The following AKIRIN2 variants were observed in gnomAD, a reference collection of about 807,000 sequenced individuals.
AKIRIN2 encodes akirin 2.
In AKIRIN2, 6 loss-of-function variants were observed where a neutral mutation model predicts 29.3. The observed-to-expected ratio is 0.20, with a 90% confidence interval of 0.11 to 0.40. The LOEUF (loss-of-function observed/expected upper bound fraction) is 0.40, where lower values mean the gene tolerates loss of function less well. AKIRIN2 is among the 10% of genes least tolerant of loss of function. AKIRIN2 has a pLI of 1.00. For missense variants in AKIRIN2, 210 were observed against 276.1 expected (o/e 0.76, Z 1.70); for synonymous variants, 128 against 117.5 (o/e 1.09, Z -0.58).
chr6:87,681,903 G>A (rs1033286102), intron 1 of AKIRIN2, 140 bp from the exon 2 acceptor site: 1 of 735,188 alleles, frequency 1.4e-6, no homozygotes, highest in Non-Finnish European at 2.1e-6. Flanking sequence ...ATTTTGGTAG[G>A]AACTCATTTC....
At position 87,699,304 on chromosome 6, in the gene AKIRIN2, A is replaced by G. The variant is rs1470764175; in HGVS notation, c.235+2146T>C. On this transcript the variant is annotated intron_variant, in intron 1 of 4. Transcript: ENST00000257787. ...AAAAAACATACAGGACCATACCCCA[A>G]ATTGGCCATATAAACACAAAGTCAA... Among the ~76,000 whole-genome samples, 6 of 152,196 alleles carry G rather than the reference A, an allele frequency of 3.9e-5. No homozygotes were observed. The East Asian group carries it at 1.2e-3, about 29-fold the overall frequency.
intron 1 of AKIRIN2, among the ~76,000 whole-genome samples, chr6:87,690,056 C>CA (rs1160157011): frequency 6.6e-6 from 1 of 151,808 alleles, no homozygotes; most frequent in Non-Finnish European, 1.5e-5. Context: ...ACTAAAACTA[C>CA]AAAAAAATTA....
At chr6:87,684,473 A>T (rs1356774250) in intron 1 of AKIRIN2, among the ~76,000 whole-genome samples, 6 of 152,198 alleles carry the variant, frequency 3.9e-5, no homozygotes, top group Admixed American at 3.9e-4. Context: ...CGTAACTATG[A>T]TAAATAACTT....
intron 1 of AKIRIN2, among the ~76,000 whole-genome samples, chr6:87,699,561 T>G (rs565133333): frequency 1.3e-5 from 2 of 151,492 alleles, no homozygotes; most frequent in Non-Finnish European, 2.9e-5. Flanking sequence ...TTGAAGAAAA[T>G]AGCAGTATTT....
chr6:87,684,721 GGTGA>G (rs1472625191), intron 1 of AKIRIN2, among the ~76,000 whole-genome samples: 16 of 152,030 alleles, frequency 1.1e-4, no homozygotes, highest in Non-Finnish European at 8.8e-5. Context: ...CCTTTTTATT[GGTGA>G]GTATTCCATC....
chr6:87,679,564 A>C (rs1422653673), intron 2 of AKIRIN2, among the ~76,000 whole-genome samples: 1 of 152,192 alleles, frequency 6.6e-6, no homozygotes, highest in African/African-American at 2.4e-5. Flanking sequence ...AAATGATTCT[A>C]AAGGTTTTTG....
rs974565574 is a variant in AKIRIN2, at chr6:87,675,793, T to C, written c.601+67A>G. On this transcript the variant is annotated intron_variant, in intron 4 of 4. Coordinates refer to ENST00000257787, the MANE Select transcript of AKIRIN2 (RefSeq NM_018064.4). ...ATTCTCTTTTTGAGTATGAAAATAA[T>C]TATAATGTCTTCTCCTTAAAAGACA... 1.5e-5 allele frequency: 23 copies of C among 1,506,920 alleles called. No individual in the cohort carries two copies. The African/African-American group carries it at 2.2e-4, about 15-fold the overall frequency. The allele number at this position is 1,506,920 out of a possible 1,614,324, so 93.3% of individuals were successfully genotyped here. A position where few individuals can be genotyped will look rare whatever the true frequency, so the allele number is the denominator to read the frequency against.
At chr6:87,686,010 T>A (rs1445804145) in intron 1 of AKIRIN2, among the ~76,000 whole-genome samples, 1 of 150,944 alleles carries the variant, frequency 6.6e-6, no homozygotes, top group Non-Finnish European at 1.5e-5. Context: ...AGGTCAGGAG[T>A]TTGAGACCAG....
At position 87,677,976 on chromosome 6, in the gene AKIRIN2, A is replaced by G; in HGVS notation, c.380-9T>C. The stretch of plus-strand genomic sequence containing the variant: ...TGCTGCAGATGAAGTCCCTATGTAC[A>G]ATGAGGACAAAAAATAGCACCTGGT... On this transcript the variant is annotated splice_polypyrimidine_tract_variant and intron_variant, in intron 2 of 4. Transcript: ENST00000257787. The G allele has an allele frequency of 1.2e-6, 2 of 1,605,526 alleles. No individual in the cohort carries two copies. The highest frequency in any genetic ancestry group is 1.1e-5 in the South Asian group (1 of 89,488).
intron 1 of AKIRIN2, among the ~76,000 whole-genome samples, chr6:87,700,337 T>C (rs1019320557): frequency 6.6e-6 from 1 of 152,138 alleles, no homozygotes; most frequent in African/African-American, 2.4e-5. Context: ...ACTTCGGTTT[T>C]TTAAGCTACT....
At chr6:87,686,529 A>G (rs1167321655) in intron 1 of AKIRIN2, among the ~76,000 whole-genome samples, 3 of 152,050 alleles carry the variant, frequency 2.0e-5, no homozygotes, top group Non-Finnish European at 2.9e-5. Context: ...CTGACATGTG[A>G]AACTAGAAAC....
intron 1 of AKIRIN2, among the ~76,000 whole-genome samples, chr6:87,699,536 C>CA (rs373721525): frequency 0.017 from 2,464 of 145,144 alleles, 43 homozygotes; most frequent in African/African-American, 0.042. Flanking sequence ...AAGTAGATGT[C>CA]AAAAAAAAAA....
chr6:87,691,106 G>A (rs1771270812), intron 1 of AKIRIN2, among the ~76,000 whole-genome samples: 1 of 152,110 alleles, frequency 6.6e-6, no homozygotes, highest in South Asian at 2.1e-4. Flanking sequence ...CAAAAGTTCT[G>A]ACTTCTAGTG....
At chr6:87,700,302 G>C (rs189156827) in intron 1 of AKIRIN2, among the ~76,000 whole-genome samples, 4 of 150,512 alleles carry the variant, frequency 2.7e-5, no homozygotes, top group Admixed American at 6.6e-5. Context: ...GTTTCAAATG[G>C]AAGTCACCAA....
At chr6:87,682,998 G>A (rs1013448256) in intron 1 of AKIRIN2, among the ~76,000 whole-genome samples, 4 of 152,068 alleles carry the variant, frequency 2.6e-5, no homozygotes, top group Non-Finnish European at 4.4e-5. Flanking sequence ...GGTGGTTTTC[G>A]TAGATAACCA....
intron 1 of AKIRIN2, among the ~76,000 whole-genome samples, chr6:87,700,280 A>AAC (rs1554258132): frequency 6.6e-6 from 1 of 151,788 alleles, no homozygotes; most frequent in Non-Finnish European, 1.5e-5. Flanking sequence ...AAAAAAAAAA[A>AAC]CACTAAAGTC....
At position 87,676,596 on chromosome 6, in the gene AKIRIN2, A is replaced by AACACACGCACGCGCGCGCAC. The variant is rs1485678233; in HGVS notation, c.530-666_530-665insGTGCGCGCGCGTGCGTGTGT. On this transcript the variant is annotated intron_variant, in intron 3 of 4. Transcript: ENST00000257787. ...ATGGTGAAACCCCGTCTCTACTAAA[A>AACACACGCACGCGCGCGCAC]ACACACACACACACACACACACACA... Among the ~76,000 whole-genome samples the AACACACGCACGCGCGCGCAC allele has an allele frequency of 4.1e-3, 586 of 142,144 alleles. 3 individuals are homozygous for AACACACGCACGCGCGCGCAC. The highest frequency in any genetic ancestry group is 0.014 in the African/African-American group (524 of 37,052). 93.3% of individuals were successfully genotyped at this position (142,144 alleles called of 152,430 possible). A position where few individuals can be genotyped will look rare whatever the true frequency, so the allele number is the denominator to read the frequency against.
rs771994516 is a variant in AKIRIN2 at position 87,701,430 on chromosome 6, G to T, written c.235+20C>A. On this transcript the variant is annotated intron_variant, in intron 1 of 4. Transcript: ENST00000257787. The stretch of plus-strand genomic sequence containing the variant: ...CCCAGTTCTCTCCACTACCCCGGCG[G>T]CCGCGGGGCCGGGTCCCACCTGTGG... The T allele has an allele frequency of 6.5e-7, 1 of 1,530,568 alleles. No homozygotes were observed. The highest frequency in any genetic ancestry group is 2.0e-5 in the Admixed American group (1 of 49,940). The allele number at this position is 1,530,568 out of a possible 1,614,324, so 94.8% of individuals were successfully genotyped here.
chr6:87,700,408 T>C (rs1771441521), intron 1 of AKIRIN2: 1 of 152,228 alleles, frequency 6.6e-6, no homozygotes, highest in Non-Finnish European at 1.5e-5. Flanking sequence ...ATATTATTAC[T>C]AAAGGCTCAC....
Sources: allele counts gnomAD v4.1 joint callset (sites outside exome capture counted in the v4.1 genomes callset), GRCh38; gene constraint gnomAD v4.1.1; transcripts MANE v1.5; gene names NCBI Gene and HGNC (gene_info 2026-07-23, HGNC 2026-07-21).